ARID1B: variants seen among roughly 807,000 people sequenced by gnomAD.
ARID1B encodes AT-rich interaction domain 1B.
A neutral mutation model predicts 212.3 loss-of-function variants in ARID1B; 30 were observed. That is an observed-to-expected ratio of 0.14 (90% confidence interval 0.11 to 0.19). ARID1B has a LOEUF of 0.19. ARID1B is among the 10% of genes least tolerant of loss of function. The probability of loss-of-function intolerance (pLI) is 1.00; values close to 1 mark genes in which losing one functional copy is unlikely to be tolerated. For synonymous variants in ARID1B, 1,402 were observed against 1,301.7 expected (o/e 1.08, Z -1.66); for missense variants, 2,891 against 3,204.0 (o/e 0.90, Z 2.36).
intron 3 of ARID1B, among the ~76,000 whole-genome samples, chr6:156,911,820 A>G (rs1055585971): frequency 4.6e-5 from 7 of 152,168 alleles, no homozygotes; most frequent in Non-Finnish European, 1.0e-4. Context: ...GATGTGTGGG[A>G]TGAACAGCTC....
intron 5 of ARID1B, among the ~76,000 whole-genome samples, chr6:157,099,204 T>C (rs150032099): frequency 2.0e-4 from 31 of 152,332 alleles, no homozygotes; most frequent in African/African-American, 7.5e-4. Flanking sequence ...TGCCTTGGCT[T>C]CCTGAAGTGC....
intron 19 of ARID1B, chr6:157,205,172 T>G (rs1374368933): frequency 1.3e-5 from 2 of 152,256 alleles, no homozygotes; most frequent in African/African-American, 2.4e-5. Context: ...TGGAACATTG[T>G]GCCTTCAGCA....
At chr6:156,933,154 C>T (rs921752862) in intron 3 of ARID1B, among the ~76,000 whole-genome samples, 2 of 151,030 alleles carry the variant, frequency 1.3e-5, no homozygotes, top group South Asian at 2.1e-4. Context: ...GTTCATTGAG[C>T]GAAGAAGAGA....
chr6:157,110,916 C>T lies in ARID1B; in HGVS notation c.2581+355C>T, dbSNP rs1406935156. 1.6e-5 allele frequency: 4 copies of T among 251,642 alleles called. No individual in the cohort carries two copies. The South Asian group carries it at 2.5e-4, about 16-fold the overall frequency. The allele number at this position is 251,642 out of a possible 1,614,324, so 15.6% of individuals were successfully genotyped here. A position where few individuals can be genotyped will look rare whatever the true frequency, so the allele number is the denominator to read the frequency against. ...TATCAGTCCCAATGTGTGTGTGTGGCGGTTGGCGGTGGGGGGTTGTGTGTG... is the reference window on the plus strand; with the variant it reads ...TATCAGTCCCAATGTGTGTGTGTGGTGGTTGGCGGTGGGGGGTTGTGTGTG... On this transcript the variant is annotated intron_variant, in intron 6 of 19. Coordinates refer to ENST00000636930, the MANE Select transcript of ARID1B (RefSeq NM_001374828.1).
At chr6:156,881,133 TCTC>T (rs1280386469) in intron 2 of ARID1B, among the ~76,000 whole-genome samples, 2 of 152,136 alleles carry the variant, frequency 1.3e-5, no homozygotes, top group Non-Finnish European at 2.9e-5. Flanking sequence ...AGTTAGGTCT[TCTC>T]CTTCTCCCTG....
intron 2 of ARID1B, among the ~76,000 whole-genome samples, chr6:156,873,750 C>G (rs1258495988): frequency 6.6e-6 from 1 of 152,192 alleles, no homozygotes; most frequent in Admixed American, 6.5e-5. Flanking sequence ...GAAGGATGGC[C>G]CGGTCTTCCC....
chr6:157,106,425 G>A (rs1786489596), intron 5 of ARID1B, among the ~76,000 whole-genome samples: 1 of 152,170 alleles, frequency 6.6e-6, no homozygotes, highest in Non-Finnish European at 1.5e-5. Context: ...TCGGATTGTG[G>A]CAGCTTCATC....
intron 6 of ARID1B, among the ~76,000 whole-genome samples, chr6:157,128,097 C>T (rs923268133): frequency 2.6e-5 from 4 of 152,110 alleles, no homozygotes; most frequent in African/African-American, 9.7e-5. Flanking sequence ...GATGAGGAAA[C>T]TGCTAATAGA....
At chr6:156,995,748 C>T (rs920683682) in intron 4 of ARID1B, among the ~76,000 whole-genome samples, 1 of 152,142 alleles carries the variant, frequency 6.6e-6, no homozygotes, top group Non-Finnish European at 1.5e-5. Flanking sequence ...AATCTGCAGC[C>T]TAGTAACGTG....
chr6:156,815,337 G>A (rs1156545748), intron 1 of ARID1B, among the ~76,000 whole-genome samples: 2 of 152,160 alleles, frequency 1.3e-5, no homozygotes, highest in African/African-American at 4.8e-5. Context: ...TCCTTCGTGC[G>A]CTGATGCTAG....
intron 4 of ARID1B, among the ~76,000 whole-genome samples, chr6:157,002,911 C>T (rs1358332943): frequency 2.0e-5 from 3 of 152,182 alleles, no homozygotes; most frequent in African/African-American, 7.2e-5. Context: ...ACTTGAAGGA[C>T]AGTAGCCAGG....
At chr6:156,789,430 T>C (rs1303288417) in intron 1 of ARID1B, among the ~76,000 whole-genome samples, 1 of 152,230 alleles carries the variant, frequency 6.6e-6, no homozygotes, top group Non-Finnish European at 1.5e-5. Context: ...AAGAGCTCAC[T>C]GTGTGCCAGG....
Position 157,026,197 on chromosome 6 carries a change from G to A in ARID1B, c.2248-58465G>A, listed in dbSNP as rs1244424365. Among the ~76,000 whole-genome samples, 6 of 152,236 alleles carry A rather than the reference G, an allele frequency of 3.9e-5. No homozygotes were observed. The East Asian group carries it at 1.2e-3, about 29-fold the overall frequency. On this transcript the variant is annotated intron_variant, in intron 4 of 19. Transcript: ENST00000636930. Reference sequence around the variant, plus strand: ...CAAAGTGCTGGGATTACAGGCATGAGCCACTGCGCCAGGCCTATTTTTAAA... The same window carrying A: ...CAAAGTGCTGGGATTACAGGCATGAACCACTGCGCCAGGCCTATTTTTAAA...
intron 3 of ARID1B, among the ~76,000 whole-genome samples, chr6:156,910,931 G>T (rs1789821886): frequency 6.6e-6 from 1 of 152,124 alleles, no homozygotes; most frequent in South Asian, 2.1e-4. Flanking sequence ...AACAAAATTA[G>T]AATAAGGCAC....
chr6:157,112,917 C>G (rs1222522665), intron 6 of ARID1B, among the ~76,000 whole-genome samples: 2 of 150,070 alleles, frequency 1.3e-5, no homozygotes, highest in African/African-American at 2.5e-5. Context: ...TTATAATGAC[C>G]ACTTCTTTTT....
chr6:156,828,747 T>C (rs1328665389), intron 1 of ARID1B, among the ~76,000 whole-genome samples: 2 of 152,248 alleles, frequency 1.3e-5, no homozygotes, highest in East Asian at 3.8e-4. Context: ...CACTTTTTAA[T>C]GAACACTCGG....
In ARID1B at chr6:156,779,428, C is replaced by A. The variant is rs781454908; in HGVS notation, c.1748C>A (p.Ala583Glu). The change falls in exon 1 of 20, where the codon GCG becomes GAG. Residue 583 changes from alanine (A) to glutamate (E), a missense_variant. This residue lies in a region of ARID1B where 1,643 missense variants were observed against 1,544.0 expected (regional missense o/e 1.06). Transcript: ENST00000636930. ...GCCGCGCAACAAAGGAGTCACCCGGCGATGAGCCCCGGCACCCCCGGACCG... is the reference window on the plus strand; with the variant it reads ...GCCGCGCAACAAAGGAGTCACCCGGAGATGAGCCCCGGCACCCCCGGACCG... ...WAAAQQRSHP[A>E]MSPGTPGPTM... is the part of the protein sequence containing the mutation. The A allele has an allele frequency of 2.7e-6, 4 of 1,464,782 alleles. No individual in the cohort carries two copies. Among genetic ancestry groups the A allele is most frequent in the South Asian group, 1.2e-5 (1 of 80,098 alleles). 90.7% of individuals were successfully genotyped at this position (1,464,782 alleles called of 1,614,324 possible).
intron 4 of ARID1B, among the ~76,000 whole-genome samples, chr6:157,025,408 G>A (rs73581934): frequency 0.051 from 7,758 of 152,310 alleles, 341 homozygotes; most frequent in African/African-American, 0.12. Context: ...CAGTATTCTA[G>A]TAGGACGGTA....
chr6:156,914,488 C>T (rs1467781401), intron 3 of ARID1B, among the ~76,000 whole-genome samples: 2 of 152,206 alleles, frequency 1.3e-5, no homozygotes, highest in African/African-American at 4.8e-5. Flanking sequence ...CTTGCCTTTC[C>T]TTGCTAGATT....
Sources: allele counts gnomAD v4.1 joint callset (sites outside exome capture counted in the v4.1 genomes callset), GRCh38; gene constraint gnomAD v4.1.1; regional missense constraint gnomAD v4.1.1; transcripts MANE v1.5; gene names NCBI Gene and HGNC (gene_info 2026-07-23, HGNC 2026-07-21).